Variants in PRKD1 observed in about 807,000 individuals in gnomAD.
The protein encoded by PRKD1 is serine/threonine-protein kinase D1.
Under a neutral mutation model 95.9 loss-of-function variants are expected in PRKD1, and 63 were observed. The observed-to-expected ratio is 0.66, with a 90% CI of 0.54 to 0.81. The LOEUF (loss-of-function observed/expected upper bound fraction) is 0.81. Among genes scored for constraint, PRKD1 ranks in the 30% least tolerant of loss-of-function variants. PRKD1 has a pLI of 0.00. For missense variants in PRKD1, 1,048 were observed against 1,165.3 expected (o/e 0.90, Z 1.47); for synonymous variants, 425 against 423.1 (o/e 1.00, Z -0.05).
chr14:29,628,926 T>C (rs1392385323), intron 11 of PRKD1, 115 bp downstream of exon 11: 2 of 640,504 alleles, frequency 3.1e-6, no homozygotes, highest in Non-Finnish European at 4.9e-6. Flanking sequence ...CCAAATTCTA[T>C]TTTGCTTTCC....
In PRKD1 at chr14:29,868,647, A is replaced by G. The variant is rs1289467961; in HGVS notation, c.264+58602T>C. 2.6e-5 allele frequency among the ~76,000 whole-genome samples: 4 copies of G among 152,194 alleles called. No homozygotes were observed. The South Asian group carries it at 6.2e-4, about 24-fold the overall frequency. ...AATTACTACTAACAATTTTTCCTCA[A>G]AAATAATGAAGAAGAGAAATAGGTT... On this transcript the variant is annotated intron_variant, in intron 1 of 17. Transcript: ENST00000331968.
intron 1 of PRKD1, among the ~76,000 whole-genome samples, chr14:29,878,076 C>T (rs891469131): frequency 2.0e-5 from 3 of 152,108 alleles, no homozygotes; most frequent in African/African-American, 7.2e-5. Context: ...CATGTTCTCA[C>T]TTATAAGTGG....
At chr14:29,702,109 T>C (rs1339975973) in intron 2 of PRKD1, among the ~76,000 whole-genome samples, 3 of 152,282 alleles carry the variant, frequency 2.0e-5, no homozygotes, top group East Asian at 1.9e-4. Context: ...TCTTCTTGCA[T>C]TGTAATCCAA....
At position 29,796,184 on chromosome 14, in the gene PRKD1, A is replaced by T. The variant is rs184726717; in HGVS notation, c.265-70510T>A. ...CCTTAAATATGAAATAGCAATCAAC[A>T]AGTATGCATAAAAATTATGTAAATA... On this transcript the variant is annotated intron_variant, in intron 1 of 17. Transcript: ENST00000331968. Among the ~76,000 whole-genome samples the T allele has an allele frequency of 5.9e-5, 9 of 152,280 alleles. No individual in the cohort carries two copies. In the East Asian group the frequency reaches 1.4e-3, roughly 23 times the overall value.
intron 6 of PRKD1, among the ~76,000 whole-genome samples, chr14:29,637,321 T>C (rs879407479): frequency 3.3e-5 from 5 of 152,230 alleles, no homozygotes; most frequent in Admixed American, 2.6e-4. Flanking sequence ...ATTTGATATT[T>C]GAAGTAATAT....
chr14:29,626,383 AC>A, intron 12 of PRKD1, 100 bp downstream of exon 12: 1 of 941,704 alleles, frequency 1.1e-6, no homozygotes, highest in African/African-American at 1.7e-5. Context: ...AAATATATAC[AC>A]ATAGGTCTTC....
chr14:29,768,929 C>T (rs552507276), intron 1 of PRKD1, among the ~76,000 whole-genome samples: 1 of 152,150 alleles, frequency 6.6e-6, no homozygotes, highest in Non-Finnish European at 1.5e-5. Flanking sequence ...CGTTATCCAG[C>T]ATCCGGGAGC....
chr14:29,916,142 G>A (rs1177861122), intron 1 of PRKD1, among the ~76,000 whole-genome samples: 1 of 152,154 alleles, frequency 6.6e-6, no homozygotes, highest in African/African-American at 2.4e-5. Context: ...AGAGGCCCTG[G>A]AACCTTGCCT....
intron 1 of PRKD1, among the ~76,000 whole-genome samples, chr14:29,815,499 G>T (rs887627015): frequency 6.6e-6 from 1 of 152,146 alleles, no homozygotes; most frequent in African/African-American, 2.4e-5. Flanking sequence ...AACAAAATGT[G>T]GGAGAAATTT....
At chr14:29,908,170 A>G (rs565469258) in intron 1 of PRKD1, among the ~76,000 whole-genome samples, 1 of 152,096 alleles carries the variant, frequency 6.6e-6, no homozygotes, top group East Asian at 1.9e-4. Flanking sequence ...ATGCACTTGC[A>G]CTTTTCAAAC....
chr14:29,696,883 C>G (rs1418812439), intron 2 of PRKD1, among the ~76,000 whole-genome samples: 1 of 152,020 alleles, frequency 6.6e-6, no homozygotes, highest in Non-Finnish European at 1.5e-5. Context: ...GAAGACCCTG[C>G]AGTGGAGGTG....
intron 1 of PRKD1, among the ~76,000 whole-genome samples, chr14:29,879,144 C>T (rs1004883577): frequency 3.3e-5 from 5 of 152,184 alleles, no homozygotes; most frequent in African/African-American, 9.7e-5. Context: ...CATCACCCAG[C>T]ACCTTGCACC....
At chr14:29,888,264 C>G (rs908496722) in intron 1 of PRKD1, among the ~76,000 whole-genome samples, 2 of 150,822 alleles carry the variant, frequency 1.3e-5, no homozygotes, top group African/African-American at 4.9e-5. Context: ...TGCACTCCAG[C>G]CTGGGTGACA....
At chr14:29,727,630 A>C (rs1886225140) in intron 1 of PRKD1, among the ~76,000 whole-genome samples, 2 of 151,102 alleles carry the variant, frequency 1.3e-5, no homozygotes, top group African/African-American at 2.4e-5. Flanking sequence ...CAGTTTTCCC[A>C]GCACCATTTA....
At position 29,663,853 on chromosome 14, in the gene PRKD1, CCA is replaced by C. The variant is rs1417792885; in HGVS notation, c.540_541del (p.Cys180TrpfsTer6). 1 of 1,612,970 alleles carries C rather than the reference CCA, an allele frequency of 6.2e-7. No individual in the cohort carries two copies. The highest frequency in any genetic ancestry group is 1.3e-5 in the African/African-American group (1 of 74,834). On this transcript the variant is annotated frameshift_variant, in exon 4 of 18. Coordinates refer to ENST00000331968, the MANE Select transcript of PRKD1 (RefSeq NM_002742.3). LOFTEE classifies it high-confidence loss of function. ...TGCACATCTCTTATGGTAATTCAGA[CCA>C]CACCCTGGAAAGGGAAAATAAAAAT...
chr14:29,676,192 T>TTGTTTTTTTTTTGTTTTTTTTTTTG (rs61509628), intron 2 of PRKD1, among the ~76,000 whole-genome samples: 1 of 128,528 alleles, frequency 7.8e-6, no homozygotes, highest in Non-Finnish European at 1.6e-5. Flanking sequence ...TGTTTTTTTT[T>TTGTTTTTTTTTTGTTTTTTTTTTTG]TTTTTTTTTT....
chr14:29,914,038 C>T (rs1035772050), intron 1 of PRKD1, among the ~76,000 whole-genome samples: 1 of 152,236 alleles, frequency 6.6e-6, no homozygotes, highest in Non-Finnish European at 1.5e-5. Context: ...GGGAAAACTA[C>T]TTTACTGTAT....
At chr14:29,882,486 G>A (rs976327347) in intron 1 of PRKD1, among the ~76,000 whole-genome samples, 1 of 152,100 alleles carries the variant, frequency 6.6e-6, no homozygotes, top group Non-Finnish European at 1.5e-5. Context: ...TTTTTCTCCA[G>A]TTTATTTATC....
chr14:29,824,013 A>G (rs555032764), intron 1 of PRKD1, among the ~76,000 whole-genome samples: 1 of 152,156 alleles, frequency 6.6e-6, no homozygotes, highest in East Asian at 1.9e-4. Flanking sequence ...CACACACTGC[A>G]TGCATTCAGT....
Sources: gnomAD v4.1 joint callset for allele counts (sites outside exome capture counted in the v4.1 genomes callset) on GRCh38, gnomAD v4.1.1 for gene constraint, MANE v1.5 for transcripts, NCBI Gene and HGNC (gene_info 2026-07-23, HGNC 2026-07-21) for gene names.